Variants in ZNF827 observed in about 807,000 individuals in gnomAD.
ZNF827 encodes zinc finger protein 827.
Under a neutral mutation model 102.4 loss-of-function variants are expected in ZNF827, and 13 were observed. That is an observed-to-expected ratio of 0.13 (90% CI 0.08 to 0.20). The LOEUF (loss-of-function observed/expected upper bound fraction) is 0.20, where lower values mean the gene tolerates loss of function less well. Among genes scored for constraint, ZNF827 ranks in the 10% least tolerant of loss-of-function variants. ZNF827 has a pLI of 1.00. For synonymous variants in ZNF827, 523 were observed against 536.2 expected, an observed-to-expected ratio of 0.98 and a Z score of 0.34; for missense variants, 1,103 against 1,344.4, an observed-to-expected ratio of 0.82 and a Z score of 2.81.
chr4:145,895,329 A>G (rs1395351319), intron 2 of ZNF827, among the ~76,000 whole-genome samples: 2 of 152,194 alleles, frequency 1.3e-5, no homozygotes, highest in Non-Finnish European at 2.9e-5. Context: ...ACAATTCTTT[A>G]TTTCAAATGT....
chr4:145,784,986 T>G (rs1159631060), intron 8 of ZNF827, among the ~76,000 whole-genome samples: 1 of 152,234 alleles, frequency 6.6e-6, no homozygotes, highest in Non-Finnish European at 1.5e-5. Context: ...TATTATGTGA[T>G]CAGATGTTTT....
intron 5 of ZNF827, among the ~76,000 whole-genome samples, chr4:145,851,137 G>C (rs1746488316): frequency 1.3e-5 from 2 of 152,224 alleles, no homozygotes; most frequent in Non-Finnish European, 2.9e-5. Flanking sequence ...TTCCCCTAGA[G>C]CCTCTGGAAG....
chr4:145,885,849 G>C lies in ZNF827; in HGVS notation c.1576C>G (p.Pro526Ala). ...GVSPLLVKEE[P>A]KEDNGLPTSF... is the part of the protein sequence containing the mutation. ...GTGGGCAGGCCGTTATCTTCCTTGG[G>C]TTCCTCCTTCACCAGCAAAGGCGAG... Residue 526 changes from proline (P) to alanine (A), a missense_variant, in exon 4 of 15, where the codon CCC becomes GCC. Physicochemically the swap from Pro to Ala is conservative, Grantham distance 27. This residue lies in a region of ZNF827 where 157 missense variants were observed against 211.7 expected (regional missense o/e 0.74). Coordinates refer to ENST00000508784, the MANE Select transcript of ZNF827 (RefSeq NM_001306215.2). The C allele has an allele frequency of 6.2e-7, 1 of 1,614,236 alleles. No homozygotes were observed. Among genetic ancestry groups the C allele is most frequent in the Non-Finnish European group, 8.5e-7 (1 of 1,180,046 alleles).
At chr4:145,832,614 T>C (rs1436228102) in intron 7 of ZNF827, 1 of 152,258 alleles carries the variant, frequency 6.6e-6, no homozygotes, top group African/African-American at 2.4e-5. Flanking sequence ...TTGAGTCATG[T>C]CAGGCCTCTG....
At chr4:145,872,560 T>C (rs970413425) in intron 4 of ZNF827, among the ~76,000 whole-genome samples, 2 of 152,188 alleles carry the variant, frequency 1.3e-5, no homozygotes, top group Non-Finnish European at 2.9e-5. Context: ...TCACATGCTA[T>C]ATGGTTTTTA....
chr4:145,873,060 C>T (rs1418147985), intron 4 of ZNF827, among the ~76,000 whole-genome samples: 1 of 150,840 alleles, frequency 6.6e-6, no homozygotes, highest in Non-Finnish European at 1.5e-5. Flanking sequence ...CTCAGCCTCC[C>T]AAGTAGCTAG....
chr4:145,920,016 G>A (rs778643666), intron 1 of ZNF827, among the ~76,000 whole-genome samples: 2 of 152,186 alleles, frequency 1.3e-5, no homozygotes, highest in Non-Finnish European at 2.9e-5. Flanking sequence ...CTCCTGTTTA[G>A]AGTATAAGAT....
intron 1 of ZNF827, among the ~76,000 whole-genome samples, chr4:145,935,813 C>A (rs1193609994): frequency 1.3e-5 from 2 of 152,088 alleles, no homozygotes; most frequent in African/African-American, 4.8e-5. Flanking sequence ...TCCTCTCAGA[C>A]GGAGAGGGTA....
chr4:145,770,036 G>A (rs1244327023), intron 11 of ZNF827, among the ~76,000 whole-genome samples: 2 of 152,122 alleles, frequency 1.3e-5, no homozygotes, highest in Non-Finnish European at 2.9e-5. Context: ...CGTGGCTCAC[G>A]CCTGTAATCC....
At chr4:145,837,901 A>T (rs1011004411) in intron 7 of ZNF827, among the ~76,000 whole-genome samples, 1 of 151,326 alleles carries the variant, frequency 6.6e-6, no homozygotes, top group African/African-American at 2.4e-5. Context: ...AATCTCTCCC[A>T]CTCTAGGTTC....
intron 8 of ZNF827, among the ~76,000 whole-genome samples, chr4:145,795,334 G>T (rs768850245): frequency 3.0e-4 from 45 of 152,162 alleles, no homozygotes; most frequent in Non-Finnish European, 5.6e-4. Flanking sequence ...TTTTAGTAGA[G>T]ATGGGGTTTC....
chr4:145,916,778 G>A lies in ZNF827; in HGVS notation c.44-13563C>T, dbSNP rs544302251. On this transcript the variant is annotated intron_variant, in intron 1 of 14. Coordinates refer to ENST00000508784, the MANE Select transcript of ZNF827 (RefSeq NM_001306215.2). ...CTCATTTTACTATATGAAGTTAATA[G>A]AAGCCATGTAGCTCCTTCAACATTT... Among the ~76,000 whole-genome samples, 401 of 152,092 alleles carry A rather than the reference G, an allele frequency of 2.6e-3. 2 individuals are homozygous for A. The highest frequency in any genetic ancestry group is 8.1e-3 in the African/African-American group (335 of 41,466).
intron 7 of ZNF827, chr4:145,830,992 T>A (rs921037747): frequency 6.6e-6 from 1 of 152,262 alleles, no homozygotes; most frequent in African/African-American, 2.4e-5. Context: ...GTTGTCTTAC[T>A]AACATCCTTG....
chr4:145,818,510 T>C (rs935811387), intron 8 of ZNF827, among the ~76,000 whole-genome samples: 6 of 152,240 alleles, frequency 3.9e-5, no homozygotes, highest in African/African-American at 1.4e-4. Context: ...ATTTGTCTCA[T>C]CACAAAGGAG....
chr4:145,918,008 T>C (rs922936133), intron 1 of ZNF827, among the ~76,000 whole-genome samples: 25 of 152,158 alleles, frequency 1.6e-4, no homozygotes, highest in African/African-American at 6.0e-4. Context: ...AAGAAGTTAT[T>C]TGAAACACAC....
intron 5 of ZNF827, among the ~76,000 whole-genome samples, chr4:145,861,923 CT>C (rs1747771837): frequency 6.6e-6 from 1 of 152,208 alleles, no homozygotes; most frequent in Non-Finnish European, 1.5e-5. Context: ...AACAAGAGCC[CT>C]TTTGAGTCTG....
rs144856398 is a variant in ZNF827 at position 145,845,478 on chromosome 4, C to T, written c.2279+478G>A. 5.3e-5 allele frequency among the ~76,000 whole-genome samples: 8 copies of T among 152,182 alleles called. No homozygotes were observed. The East Asian group carries it at 9.6e-4, about 18-fold the overall frequency. On this transcript the variant is annotated intron_variant, in intron 7 of 14. Coordinates refer to ENST00000508784, the MANE Select transcript of ZNF827 (RefSeq NM_001306215.2). ...TTTAAAATCTTTGCCTTCCAAATAA[C>T]GCTGGGAGGTTAAAAAAAATTTGGG...
chr4:145,878,947 C>T (rs1409734221), intron 4 of ZNF827, among the ~76,000 whole-genome samples: 1 of 151,964 alleles, frequency 6.6e-6, no homozygotes, highest in Admixed American at 6.6e-5. Context: ...GAGGAGCAGG[C>T]TGCACATGAA....
chr4:145,795,945 G>A (rs762105109), intron 8 of ZNF827, among the ~76,000 whole-genome samples: 26 of 152,192 alleles, frequency 1.7e-4, no homozygotes, highest in Non-Finnish European at 3.8e-4. Context: ...TTGATTCTGG[G>A]CACGCATATA....
Sources: gnomAD v4.1 joint callset for allele counts (sites outside exome capture counted in the v4.1 genomes callset) on GRCh38, gnomAD v4.1.1 for gene constraint, gnomAD v4.1.1 regional missense constraint, MANE v1.5 for transcripts, NCBI Gene and HGNC (gene_info 2026-07-23, HGNC 2026-07-21) for gene names.